The following ZFR variants were observed in gnomAD, a reference collection of about 807,000 sequenced individuals.
The protein encoded by ZFR is zinc finger RNA-binding protein.
A neutral mutation model predicts 130.7 loss-of-function variants in ZFR; 19 were observed. The ratio of observed to expected loss-of-function variants is 0.15; its 90% CI spans 0.10 to 0.21. ZFR has a LOEUF of 0.21. Among genes scored for constraint, ZFR ranks in the 10% least tolerant of loss-of-function variants. The pLI is 1.00. For missense variants in ZFR, 872 were observed against 1,321.5 expected (o/e 0.66, Z 5.27); for synonymous variants, 466 against 456.9 (o/e 1.02, Z -0.25).
At chr5:32,391,104 A>G (rs1223158810) in intron 11 of ZFR, among the ~76,000 whole-genome samples, 1 of 152,216 alleles carries the variant, frequency 6.6e-6, no homozygotes, top group Non-Finnish European at 1.5e-5. Context: ...ACAATTCGTA[A>G]GTTTTAAATC....
chr5:32,415,485 A>AGAGTGT (rs1554073590), intron 4 of ZFR, among the ~76,000 whole-genome samples: 1 of 136,236 alleles, frequency 7.3e-6, no homozygotes, highest in East Asian at 2.3e-4. Context: ...TCTGAAAAGG[A>AGAGTGT]GTGTGTGTGT....
chr5:32,367,765 G>A (rs1752579319), intron 17 of ZFR, among the ~76,000 whole-genome samples: 1 of 152,010 alleles, frequency 6.6e-6, no homozygotes, highest in Non-Finnish European at 1.5e-5. Flanking sequence ...CTCATGAAGT[G>A]TATTTTTTCC....
intron 3 of ZFR, among the ~76,000 whole-genome samples, chr5:32,419,268 C>T (rs1330543898): frequency 1.3e-5 from 2 of 152,016 alleles, no homozygotes; most frequent in African/African-American, 4.8e-5. Context: ...TTTTAACAGA[C>T]AGCTATAAAT....
chr5:32,381,724 T>G (rs985816766), intron 15 of ZFR, among the ~76,000 whole-genome samples: 6 of 152,154 alleles, frequency 3.9e-5, no homozygotes, highest in Non-Finnish European at 5.9e-5. Context: ...TTTCTTTTTC[T>G]TAGTTTTTTA....
At chr5:32,408,368 C>T (rs1476839209) in intron 5 of ZFR, among the ~76,000 whole-genome samples, 2 of 149,542 alleles carry the variant, frequency 1.3e-5, no homozygotes, top group African/African-American at 4.9e-5. Context: ...GCACTGTTGG[C>T]CTCTGTTGTC....
At chr5:32,386,874 AGT>A (rs1211890381) in intron 14 of ZFR, among the ~76,000 whole-genome samples, 2 of 152,144 alleles carry the variant, frequency 1.3e-5, no homozygotes, top group African/African-American at 4.8e-5. Flanking sequence ...TTAAATTGCT[AGT>A]TTTATACCCT....
chr5:32,388,064 A>G (rs1229234371), intron 13 of ZFR, among the ~76,000 whole-genome samples: 1 of 152,002 alleles, frequency 6.6e-6, no homozygotes, highest in East Asian at 1.9e-4. Context: ...ACATAAAGAC[A>G]TTACTAAAGC....
chr5:32,431,975 G>A (rs1424632900), intron 2 of ZFR, among the ~76,000 whole-genome samples: 1 of 151,350 alleles, frequency 6.6e-6, no homozygotes, highest in Middle Eastern at 3.2e-3. Flanking sequence ...CTACGCATGT[G>A]TGCCAGCATG....
rs765914234 is a variant in ZFR, at chr5:32,387,608, C to G, written c.2440G>C (p.Glu814Gln). 1.2e-6 allele frequency: 2 copies of G among 1,613,622 alleles called. No individual in the cohort carries two copies. The highest frequency in any genetic ancestry group is 2.2e-5 in the South Asian group (2 of 91,016). The change falls in exon 14 of 20, where the codon GAG becomes CAG. Residue 814 changes from glutamate to glutamine, a missense_variant. Glu to Gln is a conservative substitution (Grantham distance 29). Around this residue, in one of 7 missense-constraint regions of ZFR, gnomAD observed 225 missense variants for 282.4 expected, o/e 0.80. Coordinates refer to ENST00000265069, the MANE Select transcript of ZFR (RefSeq NM_016107.5). ...CTTAATAATGTCTTTGAAGGTTTCTCTGAGCACAGCAAAACAAGGTTGACA... is the reference window on the plus strand; with the variant it reads ...CTTAATAATGTCTTTGAAGGTTTCTGTGAGCACAGCAAAACAAGGTTGACA... ...RNVNLVLLCS[E>Q]KPSKTLLSRI... is the part of the protein sequence containing the mutation.
intron 2 of ZFR, 131 bp downstream of exon 2, chr5:32,444,098 T>TGGGCCGGGCCAGGCCTGCAGC: frequency 3.3e-6 from 3 of 898,472 alleles, no homozygotes; most frequent in Non-Finnish European, 4.3e-6. Flanking sequence ...GCCGCCGGGC[T>TGGGCCGGGCCAGGCCTGCAGC]GGGCCGGGCC....
chr5:32,441,223 C>T (rs770026902), intron 2 of ZFR, among the ~76,000 whole-genome samples: 5 of 152,284 alleles, frequency 3.3e-5, no homozygotes, highest in East Asian at 3.9e-4. Context: ...GTGATACACC[C>T]GCCTTAGCCT....
In ZFR at chr5:32,406,888, G is replaced by A. The variant is rs781262463; in HGVS notation, c.918C>T (p.Thr306=). ...AAAATAAWTG[T]TFTKKAPFQN... ...GGAATGGTGCTTTTTTAGTAAAGGT[G>A]GTCCCTGTCCAGGCAGCTGTTGCAG... Residue 306 remains threonine, a synonymous_variant, in exon 6 of 20, where the codon ACC becomes ACT. Transcript: ENST00000265069. The A allele has an allele frequency of 1.9e-6, 3 of 1,613,824 alleles. No homozygotes were observed. The highest frequency in any genetic ancestry group is 1.6e-4 in the Middle Eastern group (1 of 6,082).
intron 15 of ZFR, among the ~76,000 whole-genome samples, chr5:32,381,097 C>T (rs1334280015): frequency 4.0e-5 from 6 of 151,708 alleles, no homozygotes; most frequent in Admixed American, 1.3e-4. Flanking sequence ...AGCAGAACAG[C>T]GAATAGGAAC....
intron 15 of ZFR, among the ~76,000 whole-genome samples, chr5:32,382,654 G>T (rs898929519): frequency 6.6e-6 from 1 of 151,962 alleles, no homozygotes; most frequent in Non-Finnish European, 1.5e-5. Context: ...TTGTCGCCCA[G>T]GCCAGAGTGC....
At chr5:32,425,870 A>C (rs969620437) in intron 2 of ZFR, among the ~76,000 whole-genome samples, 3 of 152,000 alleles carry the variant, frequency 2.0e-5, no homozygotes, top group Non-Finnish European at 2.9e-5. Context: ...ATAAACAAAA[A>C]CTCTGGGGTT....
intron 10 of ZFR, among the ~76,000 whole-genome samples, chr5:32,395,839 A>T (rs887199685): frequency 1.3e-5 from 2 of 152,242 alleles, no homozygotes; most frequent in Non-Finnish European, 2.9e-5. Context: ...AATACAGTAT[A>T]TATGAGATAC....
intron 5 of ZFR, among the ~76,000 whole-genome samples, chr5:32,411,311 A>G (rs1318226966): frequency 2.0e-5 from 3 of 152,172 alleles, no homozygotes; most frequent in African/African-American, 4.8e-5. Context: ...AGCCTCAAAG[A>G]GAGAAATGAG....
At chr5:32,373,250 A>G (rs2111688590) in intron 17 of ZFR, among the ~76,000 whole-genome samples, 1 of 152,226 alleles carries the variant, frequency 6.6e-6, no homozygotes, top group South Asian at 2.1e-4. Context: ...AAAATTAGTC[A>G]GGCGTGGTGG....
intron 17 of ZFR, among the ~76,000 whole-genome samples, chr5:32,373,923 T>C (rs1032722341): frequency 1.3e-5 from 2 of 152,198 alleles, no homozygotes; most frequent in Admixed American, 6.5e-5. Context: ...TGCATTCTCT[T>C]TTCTTCTCAG....
Sources: allele counts gnomAD v4.1 joint callset (sites outside exome capture counted in the v4.1 genomes callset), GRCh38; gene constraint gnomAD v4.1.1; regional missense constraint gnomAD v4.1.1; transcripts MANE v1.5; gene names NCBI Gene and HGNC (gene_info 2026-07-23, HGNC 2026-07-21).